Variants in DYNC1I2 observed in about 807,000 individuals in gnomAD.
DYNC1I2 encodes the protein cytoplasmic dynein 1 intermediate chain 2.
Under a neutral mutation model 88.6 loss-of-function variants are expected in DYNC1I2, and 53 were observed. The observed-to-expected ratio is 0.60, with a 90% confidence interval of 0.48 to 0.75. The LOEUF is 0.75. Among genes scored for constraint, DYNC1I2 ranks in the 30% least tolerant of loss-of-function variants. DYNC1I2 has a pLI of 0.00. For synonymous variants in DYNC1I2, 198 were observed against 254.6 expected, an observed-to-expected ratio of 0.78 and a Z score of 2.12; for missense variants, 458 against 766.6, an observed-to-expected ratio of 0.60 and a Z score of 4.75.
chr2:171,708,933 T>A (rs1686893235), intron 5 of DYNC1I2, among the ~76,000 whole-genome samples: 1 of 152,100 alleles, frequency 6.6e-6, no homozygotes, highest in Non-Finnish European at 1.5e-5. Context: ...ACTCAAGTGA[T>A]CCACCCACCT....
chr2:171,739,117 A>G (rs1025775790), intron 15 of DYNC1I2, among the ~76,000 whole-genome samples: 4 of 151,846 alleles, frequency 2.6e-5, no homozygotes, highest in Non-Finnish European at 4.4e-5. Flanking sequence ...AAAAAAAAAA[A>G]AAAGAAAACC....
In DYNC1I2 at chr2:171,706,558, T is replaced by A. The variant is rs370042584; in HGVS notation, c.238T>A (p.Tyr80Asn). 16 of 1,612,224 alleles carry A rather than the reference T, an allele frequency of 9.9e-6. No homozygotes were observed. Among genetic ancestry groups the A allele is most frequent in the African/African-American group, 2.7e-5 (2 of 74,914 alleles). The change falls in exon 4 of 18, where the codon TAC (tyrosine) becomes AAC (asparagine). Residue 80 changes from tyrosine to asparagine, a missense_variant. Physicochemically the swap from Tyr to Asn is moderately radical, Grantham distance 143. This residue lies in a region of DYNC1I2 where 55 missense variants were observed against 57.1 expected (regional missense o/e 0.96). Transcript: ENST00000397119. ...TCTGTACACTTCAGTTTTTTCTGAA[T>A]ACTGGGGTAAGGAAGTTCCCATAAG... ...TPESPIVFSEYWVPPPMSPSS... is the reference protein window; with the variant it reads ...TPESPIVFSENWVPPPMSPSS...
At chr2:171,722,755 A>C (rs1215799037) in intron 7 of DYNC1I2, among the ~76,000 whole-genome samples, 1 of 152,198 alleles carries the variant, frequency 6.6e-6, no homozygotes, top group Admixed American at 6.5e-5. Flanking sequence ...ACCTTATAGC[A>C]AAAAGATTGC....
chr2:171,692,878 T>C lies in DYNC1I2; in HGVS notation c.210T>C (p.Thr70=). Residue 70 remains threonine, a synonymous_variant, in exon 3 of 18, where the codon ACT becomes ACC. Coordinates refer to ENST00000397119, the MANE Select transcript of DYNC1I2 (RefSeq NM_001378.3). The part of the protein sequence containing the change: ...AEALLQSMGL[T]PESPIVFSEY... ...CATTGCTTCAAAGCATGGGGCTAAC[T>C]CCAGAATCCCCCATTGGTAAGGTTA... 6.2e-7 allele frequency: 1 copy of C among 1,600,544 alleles called. No individual in the cohort carries two copies. Among genetic ancestry groups the C allele is most frequent in the Non-Finnish European group, 8.5e-7 (1 of 1,172,878 alleles).
chr2:171,728,827 G>A lies in DYNC1I2; in HGVS notation c.1368G>A (p.Val456=), dbSNP rs1249933266. The part of the protein sequence containing the change: ...NFVVGSEEGS[V]YTACRHGSKA... ...TTGTTGGGAGTGAAGAAGGTTCTGT[G>A]TACACAGCATGCCGCCATGGCAGGT... The change falls in exon 14 of 18, where the codon GTG becomes GTA. Residue 456 remains valine, a synonymous_variant. Coordinates refer to ENST00000397119, the MANE Select transcript of DYNC1I2 (RefSeq NM_001378.3). 1 of 1,610,450 alleles carries A rather than the reference G, an allele frequency of 6.2e-7. No individual in the cohort carries two copies. The highest frequency in any genetic ancestry group is 8.5e-7 in the Non-Finnish European group (1 of 1,178,544).
rs114887845 is a variant in DYNC1I2 at position 171,709,325 on chromosome 2, A to G, written c.335+1948A>G. Among the ~76,000 whole-genome samples the G allele has an allele frequency of 3.2e-3, 491 of 152,274 alleles. 11 individuals carry two copies. The highest frequency in any genetic ancestry group is 0.011 in the African/African-American group (476 of 41,570). On this transcript the variant is annotated intron_variant, in intron 5 of 17. Transcript: ENST00000397119. ...ATGGACAACCCAGAGATTATTAGAG[A>G]CCTTTTAGAATATTGTAAATTAATA... is the stretch of plus-strand genomic sequence containing the variant.
chr2:171,732,585 A>G (rs932904099), intron 15 of DYNC1I2, among the ~76,000 whole-genome samples: 4 of 152,188 alleles, frequency 2.6e-5, no homozygotes, highest in Admixed American at 2.6e-4. Context: ...CCTATAAATG[A>G]TGTTAAGTGA....
intron 15 of DYNC1I2, among the ~76,000 whole-genome samples, chr2:171,740,017 A>G (rs2105765746): frequency 6.6e-6 from 1 of 152,102 alleles, no homozygotes; most frequent in Admixed American, 6.5e-5. Context: ...GCCACAATTG[A>G]CATACCTTTT....
At chr2:171,737,484 C>G (rs113922330) in intron 15 of DYNC1I2, among the ~76,000 whole-genome samples, 7 of 152,190 alleles carry the variant, frequency 4.6e-5, no homozygotes, top group African/African-American at 1.7e-4. Context: ...GTGGGGTGAT[C>G]TCGGTTCATT....
At chr2:171,698,896 G>A (rs1279627537) in intron 3 of DYNC1I2, among the ~76,000 whole-genome samples, 2 of 151,602 alleles carry the variant, frequency 1.3e-5, no homozygotes, top group Admixed American at 1.3e-4. Context: ...ACAGGGTCTC[G>A]CCGTGTTGCC....
intron 15 of DYNC1I2, among the ~76,000 whole-genome samples, chr2:171,740,605 G>C (rs970819611): frequency 1.3e-5 from 2 of 152,078 alleles, no homozygotes; most frequent in Non-Finnish European, 2.9e-5. Flanking sequence ...TCAATATGTA[G>C]TTTCAAGCTG....
In DYNC1I2 at chr2:171,687,632, G is replaced by A. The variant is rs974341536; in HGVS notation, c.-10+5G>A. 2.0e-5 allele frequency: 3 copies of A among 152,268 alleles called. No individual in the cohort carries two copies. 9.4% of individuals were successfully genotyped at this position (152,268 alleles called of 1,614,324 possible). A position where few individuals can be genotyped will look rare whatever the true frequency, so the allele number is the denominator to read the frequency against. On this transcript the variant is annotated splice_donor_5th_base_variant and intron_variant, in intron 1 of 17. Transcript: ENST00000397119. ...CCGGCTTCTGCTTTACGACAGGTAA[G>A]TCACGGAGGGGCTACAATTCCTCGC...
At chr2:171,716,340 C>G (rs965499885) in intron 7 of DYNC1I2, among the ~76,000 whole-genome samples, 2 of 152,166 alleles carry the variant, frequency 1.3e-5, no homozygotes, top group African/African-American at 4.8e-5. Flanking sequence ...AGCTTTACCT[C>G]TGACTTTACC....
rs1409704902 is a variant in DYNC1I2 at position 171,726,457 on chromosome 2, AAGAAAGATT to A, written c.870+169_870+177del. ...AACATACTCATCTTATGTACTTTGG[AAGAAAGATT>A]AGAAGCATTATTTATATTTAAAATT... On this transcript the variant is annotated intron_variant, in intron 10 of 17. Transcript: ENST00000397119. 1.4e-5 allele frequency: 8 copies of A among 588,662 alleles called. No individual in the cohort carries two copies. The African/African-American group carries it at 1.5e-4, about 11-fold the overall frequency. The allele number at this position is 588,662 out of a possible 1,614,324, so 36.5% of individuals were successfully genotyped here.
chr2:171,743,741 G>A (rs2105782518), intron 15 of DYNC1I2, among the ~76,000 whole-genome samples: 1 of 152,300 alleles, frequency 6.6e-6, no homozygotes, highest in South Asian at 2.1e-4. Flanking sequence ...AAAGTACACT[G>A]CTATTGCTGT....
At chr2:171,702,440 A>G (rs1363052214) in intron 3 of DYNC1I2, among the ~76,000 whole-genome samples, 1 of 152,244 alleles carries the variant, frequency 6.6e-6, no homozygotes, top group Non-Finnish European at 1.5e-5. Flanking sequence ...CCTGAAAAAT[A>G]CAGGATACGG....
At chr2:171,718,255 G>C (rs1316072208) in intron 7 of DYNC1I2, among the ~76,000 whole-genome samples, 2 of 151,656 alleles carry the variant, frequency 1.3e-5, no homozygotes, top group East Asian at 3.9e-4. Flanking sequence ...ACCACATCCA[G>C]CCAAGATTTT....
chr2:171,742,257 C>G (rs1192691326), intron 15 of DYNC1I2, among the ~76,000 whole-genome samples: 1 of 152,030 alleles, frequency 6.6e-6, no homozygotes, highest in Non-Finnish European at 1.5e-5. Context: ...ACTGCAGCCT[C>G]GACATCCTGG....
In DYNC1I2 at chr2:171,688,749, T is replaced by A. The variant is rs193162700; in HGVS notation, c.-10+1122T>A. The A allele has an allele frequency of 6.6e-5, 10 of 152,328 alleles. No individual in the cohort carries two copies. In the East Asian group the frequency reaches 1.2e-3, roughly 18 times the overall value. 9.4% of individuals were successfully genotyped at this position (152,328 alleles called of 1,614,324 possible). On this transcript the variant is annotated intron_variant, in intron 1 of 17. Coordinates refer to ENST00000397119, the MANE Select transcript of DYNC1I2 (RefSeq NM_001378.3). ...AGTAGCTGAAATTTCCTTTATCCAC[T>A]TCTTAGTAGGTGAATTTCTCCTCTT...
Sources: allele counts gnomAD v4.1 joint callset (sites outside exome capture counted in the v4.1 genomes callset), GRCh38; gene constraint gnomAD v4.1.1; regional missense constraint gnomAD v4.1.1; transcripts MANE v1.5; gene names NCBI Gene and HGNC (gene_info 2026-07-23, HGNC 2026-07-21).